C9orf85: variants seen among roughly 807,000 people sequenced by gnomAD.
C9orf85 encodes uncharacterized protein C9orf85.
C9orf85 carries 16 observed loss-of-function variants against 14.9 expected under a neutral mutation model. That is an observed-to-expected ratio of 1.08 (90% CI 0.73 to 1.63). The LOEUF is 1.63. Ranked by LOEUF, C9orf85 falls within the 40% of genes most tolerant of loss-of-function variation. The pLI is 0.00. For missense variants in C9orf85, 172 were observed against 186.1 expected (o/e 0.92, Z 0.44); for synonymous variants, 45 against 56.8 (o/e 0.79, Z 0.93).
chr9:71,979,324 ACT>A (rs1185308422), intron 3 of C9orf85, among the ~76,000 whole-genome samples: 3 of 152,150 alleles, frequency 2.0e-5, no homozygotes, highest in African/African-American at 7.2e-5. Flanking sequence ...TACAGTGTAA[ACT>A]TATTGTGAGT....
chr9:71,920,905 AG>A (rs1827784946), intron 1 of C9orf85, among the ~76,000 whole-genome samples: 1 of 152,170 alleles, frequency 6.6e-6, no homozygotes, highest in South Asian at 2.1e-4. Context: ...CTTTCAGCCA[AG>A]GGGACCTCAA....
intron 1 of C9orf85, among the ~76,000 whole-genome samples, chr9:71,941,496 TA>T (rs1272342409): frequency 6.6e-6 from 1 of 152,204 alleles, no homozygotes; most frequent in Non-Finnish European, 1.5e-5. Context: ...GTTAAGCCTG[TA>T]AACCTAACTT....
intron 1 of C9orf85, among the ~76,000 whole-genome samples, chr9:71,924,152 T>C (rs766480025): frequency 2.0e-5 from 3 of 152,204 alleles, no homozygotes; most frequent in East Asian, 3.8e-4. Context: ...ATTAATTTGG[T>C]CCCTGTAGGG....
In C9orf85 at chr9:71,948,989, A is replaced by T. The variant is rs140463057; in HGVS notation, c.209+1877A>T. ...AACTATTTGCATTACCCAATTTTAG[A>T]TTTCCATGAATGAATTGTGTTCTCT... On this transcript the variant is annotated intron_variant, in intron 2 of 3. Transcript: ENST00000334731. Among the ~76,000 whole-genome samples the T allele has an allele frequency of 5.7e-3, 873 of 152,344 alleles. 1 individual carries two copies. The highest frequency in any genetic ancestry group is 9.1e-3 in the Non-Finnish European group (616 of 68,038).
intron 1 of C9orf85, among the ~76,000 whole-genome samples, chr9:71,942,897 C>T (rs576868699): frequency 1.6e-4 from 10 of 62,938 alleles, no homozygotes; most frequent in African/African-American, 2.6e-4. Context: ...AGTGAGACTC[C>T]GACTCAAAAA....
At chr9:71,971,437 C>A in intron 2 of C9orf85, 68 bp from the exon 3 acceptor site, 1 of 928,478 alleles carries the variant, frequency 1.1e-6, no homozygotes, top group South Asian at 1.8e-5. Flanking sequence ...TACATTTAGA[C>A]ACATCTTATT....
rs1008161850 is a variant in C9orf85, at chr9:71,939,043, A to G, written c.103-7963A>G. On this transcript the variant is annotated intron_variant, in intron 1 of 3. Coordinates refer to ENST00000334731, the MANE Select transcript of C9orf85 (RefSeq NM_182505.5). ...GCAAAGTGTAGAATCTCTGAGTGAT[A>G]GGACTTGTCTTTATTCTTTATCTGT... Among the ~76,000 whole-genome samples the G allele has an allele frequency of 1.2e-4, 18 of 149,496 alleles. No homozygotes were observed. In the South Asian group the frequency reaches 3.9e-3, roughly 32 times the overall value.
rs764580008 is a variant in C9orf85, at chr9:71,968,087, C to CATAT, written c.210-3406_210-3403dup. 5.0e-3 allele frequency among the ~76,000 whole-genome samples: 708 copies of CATAT among 142,344 alleles called. 6 individuals are homozygous for CATAT. Among genetic ancestry groups the CATAT allele is most frequent in the East Asian group, 0.031 (146 of 4,698 alleles). 93.4% of individuals were successfully genotyped at this position (142,344 alleles called of 152,430 possible). A position where few individuals can be genotyped will look rare whatever the true frequency, so the allele number is the denominator to read the frequency against. On this transcript the variant is annotated intron_variant, in intron 2 of 3. Transcript: ENST00000334731. ...TATTCCCAGGATAAATCCATTGCTG[C>CATAT]ATATATATATATATAGAGAGAGAGA... is the stretch of plus-strand genomic sequence containing the variant.
Position 71,967,558 on chromosome 9 carries a change from T to G in C9orf85, c.210-3947T>G, listed in dbSNP as rs528927981. The stretch of plus-strand genomic sequence containing the variant: ...AGAAACATAAAAATACAGTTTATGT[T>G]TGTTTACTGACCCCATATATTGTGA... On this transcript the variant is annotated intron_variant, in intron 2 of 3. Coordinates refer to ENST00000334731, the MANE Select transcript of C9orf85 (RefSeq NM_182505.5). Among the ~76,000 whole-genome samples the G allele has an allele frequency of 2.0e-5, 3 of 152,310 alleles. No homozygotes were observed. The East Asian group carries it at 5.8e-4, about 29-fold the overall frequency.
At chr9:71,965,138 G>A (rs933296918) in intron 2 of C9orf85, among the ~76,000 whole-genome samples, 3 of 152,196 alleles carry the variant, frequency 2.0e-5, no homozygotes, top group Non-Finnish European at 4.4e-5. Flanking sequence ...AGTAGAAACA[G>A]AGCTCCCATA....
At chr9:71,938,473 T>C (rs541487839) in intron 1 of C9orf85, among the ~76,000 whole-genome samples, 5 of 152,170 alleles carry the variant, frequency 3.3e-5, no homozygotes, top group African/African-American at 9.6e-5. Flanking sequence ...GTATACTTTA[T>C]TATAATAGCA....
chr9:71,919,429 A>G (rs184153242), intron 1 of C9orf85, among the ~76,000 whole-genome samples: 2 of 152,356 alleles, frequency 1.3e-5, no homozygotes, highest in East Asian at 1.9e-4. Context: ...TGAATTGACC[A>G]TCTCTGACGT....
intron 2 of C9orf85, among the ~76,000 whole-genome samples, chr9:71,966,060 CCATA>C (rs1822681820): frequency 6.6e-6 from 1 of 152,188 alleles, no homozygotes; most frequent in Non-Finnish European, 1.5e-5. Flanking sequence ...ATCCCAGCAG[CCATA>C]CTTCAACCAT....
At chr9:71,936,699 G>A (rs191646774) in intron 1 of C9orf85, among the ~76,000 whole-genome samples, 1 of 150,068 alleles carries the variant, frequency 6.7e-6, no homozygotes, top group East Asian at 2.0e-4. Context: ...ATTTTCTAAT[G>A]TTCATAACAC....
Position 71,972,820 on chromosome 9 carries a change from G to A in C9orf85, c.452G>A (p.Gly151Glu), listed in dbSNP as rs758407171. 6.2e-7 allele frequency: 1 copy of A among 1,608,620 alleles called. No homozygotes were observed. Among genetic ancestry groups the A allele is most frequent in the Non-Finnish European group, 8.5e-7 (1 of 1,178,086 alleles). ...TTTGATATTGATTTAGAAGACACAG[G>A]AGGAGACCATCAAATGAATTAATAT... ...LDFDIDLEDT[G>E]GDHQMN is the part of the protein sequence containing the mutation. The change falls in exon 4 of 4, where the codon GGA becomes GAA. Residue 151 changes from glycine to glutamate, a missense_variant. Physicochemically the swap from Gly to Glu is moderately conservative, Grantham distance 98. Coordinates refer to ENST00000334731, the MANE Select transcript of C9orf85 (RefSeq NM_182505.5).
intron 1 of C9orf85, among the ~76,000 whole-genome samples, chr9:71,913,902 C>A (rs866604818): frequency 3.3e-5 from 5 of 152,040 alleles, no homozygotes; most frequent in Admixed American, 1.3e-4. Flanking sequence ...TAATTCCTTT[C>A]CCTCTTTTAA....
At chr9:71,960,285 C>A (rs1477642259) in intron 2 of C9orf85, among the ~76,000 whole-genome samples, 1 of 152,160 alleles carries the variant, frequency 6.6e-6, no homozygotes, top group Non-Finnish European at 1.5e-5. Flanking sequence ...CCCGGGCTGT[C>A]TTTATATGTC....
At chr9:71,984,735 A>G (rs7030498), downstream of C9orf85, 92,756 of 152,220 alleles carry the variant, frequency 0.61, 28,447 homozygotes, top group East Asian at 0.73. Context: ...CAAGCCAGCC[A>G]TATTTGGGAA....
chr9:71,978,259 G>A (rs1239396701), downstream of C9orf85, among the ~76,000 whole-genome samples: 2 of 151,996 alleles, frequency 1.3e-5, no homozygotes, highest in African/African-American at 2.4e-5. Flanking sequence ...ACAGGTGCCC[G>A]CCACCATGCC....
Sources: gnomAD v4.1 joint callset for allele counts (sites outside exome capture counted in the v4.1 genomes callset) on GRCh38, gnomAD v4.1.1 for gene constraint, MANE v1.5 for transcripts, NCBI Gene and HGNC (gene_info 2026-07-23, HGNC 2026-07-21) for gene names.